GAN: variants seen among roughly 807,000 people sequenced by gnomAD.
GAN encodes the protein epididymis secretory sperm binding protein.
Under a neutral mutation model 71.3 loss-of-function variants are expected in GAN, and 48 were observed. The observed-to-expected ratio is 0.67, with a 90% confidence interval of 0.53 to 0.86. The LOEUF (loss-of-function observed/expected upper bound fraction) is 0.86, where lower values mean the gene tolerates loss of function less well. GAN is among the 40% of genes least tolerant of loss of function. The probability of loss-of-function intolerance (pLI) is 0.00; values close to 1 mark genes in which losing one functional copy is unlikely to be tolerated. For synonymous variants in GAN, 386 were observed against 276.8 expected, an observed-to-expected ratio of 1.39 and a Z score of -3.92; for missense variants, 928 against 770.1, an observed-to-expected ratio of 1.21 and a Z score of -2.43.
In GAN at chr16:81,354,813, T is replaced by C. The variant is rs558177817; in HGVS notation, c.633+58T>C. On this transcript the variant is annotated intron_variant, in intron 3 of 10. Coordinates refer to ENST00000648994, the MANE Select transcript of GAN (RefSeq NM_022041.4). ...CTTTTTATTTCTTTTTAATTCAAAT[T>C]TTAGTTGTTTTATTTTTCTTCTTCA... 5.1e-6 allele frequency: 5 copies of C among 973,488 alleles called. No individual in the cohort carries two copies. The African/African-American group carries it at 8.2e-5, about 16-fold the overall frequency. 60.3% of individuals were successfully genotyped at this position (973,488 alleles called of 1,614,324 possible). A position where few individuals can be genotyped will look rare whatever the true frequency, so the allele number is the denominator to read the frequency against.
chr16:81,326,294 G>A (rs527296548), intron 1 of GAN, among the ~76,000 whole-genome samples: 1 of 151,798 alleles, frequency 6.6e-6, no homozygotes, highest in East Asian at 1.9e-4. Context: ...GAAGCGGGCA[G>A]ATCACCTGAG....
Position 81,354,714 on chromosome 16 carries a change from G to A in GAN, c.592G>A (p.Ala198Thr). The A allele has an allele frequency of 1.2e-6, 2 of 1,610,386 alleles. No individual in the cohort carries two copies. Among genetic ancestry groups the A allele is most frequent in the Non-Finnish European group, 1.7e-6 (2 of 1,176,536 alleles). The change falls in exon 3 of 11, where the codon GCA (alanine) becomes ACA (threonine). Residue 198 changes from alanine (A) to threonine (T), a missense_variant. Coordinates refer to ENST00000648994, the MANE Select transcript of GAN (RefSeq NM_022041.4). ...TGGCAATGAAAGATATGTCTTTGAA[G>A]CAGTAATTCGATGGATAGCACATGA... ...NVGNERYVFE[A>T]VIRWIAHDTE... is the part of the protein sequence containing the mutation.
Position 81,377,525 on chromosome 16 carries a change from A to G in GAN, c.1723A>G (p.Ile575Val), listed in dbSNP as rs780683261. The change falls in exon 11 of 11, where the codon ATT becomes GTT. Residue 575 changes from isoleucine to valine, a missense_variant. Transcript: ENST00000648994. ...CCGTACAGGATGTGCAGCCTTACGC[A>G]TTGCGAATTGCAAGCTTTTCCGCCT... ...LRRTGCAALR[I>V]ANCKLFRLQL... The G allele has an allele frequency of 4.3e-6, 7 of 1,614,178 alleles. No homozygotes were observed. The highest frequency in any genetic ancestry group is 1.1e-5 in the South Asian group (1 of 91,086).
chr16:81,328,500 T>C (rs181106152), intron 1 of GAN, among the ~76,000 whole-genome samples: 18 of 152,352 alleles, frequency 1.2e-4, no homozygotes, highest in Non-Finnish European at 1.6e-4. Context: ...TGGGTTCTTT[T>C]TGTATTTTTT....
intron 1 of GAN, among the ~76,000 whole-genome samples, chr16:81,324,807 T>C (rs904728393): frequency 6.6e-6 from 1 of 152,190 alleles, no homozygotes; most frequent in African/African-American, 2.4e-5. Flanking sequence ...TTTGTTTGTG[T>C]ATTGTTTTAA....
intron 6 of GAN, 44 bp from the exon 7 acceptor site, chr16:81,363,750 G>A: frequency 6.3e-7 from 1 of 1,594,074 alleles, no homozygotes; most frequent in Non-Finnish European, 8.6e-7. Flanking sequence ...CTTTCAATAT[G>A]ATCATTGGCC....
At chr16:81,364,644 G>A (rs1358048666) in intron 7 of GAN, among the ~76,000 whole-genome samples, 1 of 152,052 alleles carries the variant, frequency 6.6e-6, no homozygotes, top group Admixed American at 6.6e-5. Context: ...AACTATGATG[G>A]CACCACTGCA....
At chr16:81,331,687 G>A (rs567684362) in intron 1 of GAN, among the ~76,000 whole-genome samples, 219 of 152,254 alleles carry the variant, frequency 1.4e-3, no homozygotes, top group African/African-American at 4.9e-3. Flanking sequence ...CCGCTCTCTA[G>A]CTTTGCCAAA....
At chr16:81,348,034 A>T (rs1910178132) in intron 1 of GAN, among the ~76,000 whole-genome samples, 2 of 152,018 alleles carry the variant, frequency 1.3e-5, no homozygotes, top group South Asian at 4.1e-4. Context: ...TTTAAAAAAA[A>T]TAGAGGTGGG....
At chr16:81,372,655 T>C (rs1911073520) in intron 9 of GAN, among the ~76,000 whole-genome samples, 1 of 152,220 alleles carries the variant, frequency 6.6e-6, no homozygotes, top group African/African-American at 2.4e-5. Flanking sequence ...AGATCATCTA[T>C]GTAGTCCAGT....
At chr16:81,322,904 C>G (rs763512665) in intron 1 of GAN, among the ~76,000 whole-genome samples, 3 of 152,196 alleles carry the variant, frequency 2.0e-5, no homozygotes, top group African/African-American at 4.8e-5. Flanking sequence ...TGAGTCTTTT[C>G]TAACCCACAG....
At chr16:81,325,559 T>C (rs1199107549) in intron 1 of GAN, among the ~76,000 whole-genome samples, 1 of 152,182 alleles carries the variant, frequency 6.6e-6, no homozygotes, top group African/African-American at 2.4e-5. Context: ...AGCCCTACTT[T>C]AAGAAGGCAT....
rs1464376673 is a variant in GAN at position 81,365,047 on chromosome 16, C to G, written c.1310C>G (p.Ser437Cys). Residue 437 changes from serine (S) to cysteine (C), a missense_variant, in exon 8 of 11, where the codon TCT (serine) becomes TGT (cysteine). Ser to Cys is a moderately radical substitution (Grantham distance 112, BLOSUM62 -1). Transcript: ENST00000648994. ...GGCTCCTACGGAAAGCTTTTTGAGT[C>G]TGTAGAGTGTTATGATCCCAGGACC... is the stretch of plus-strand genomic sequence containing the variant. ...GGGSYGKLFE[S>C]VECYDPRTQQ... 6.2e-7 allele frequency: 1 copy of G among 1,613,486 alleles called. No individual in the cohort carries two copies. Among genetic ancestry groups the G allele is most frequent in the African/African-American group, 1.3e-5 (1 of 75,026 alleles).
chr16:81,365,733 A>G (rs1039246880), intron 9 of GAN, among the ~76,000 whole-genome samples: 4 of 151,762 alleles, frequency 2.6e-5, no homozygotes, highest in South Asian at 2.1e-4. Context: ...TTGGCTCCCT[A>G]TAGCTTTTAG....
intron 1 of GAN, among the ~76,000 whole-genome samples, chr16:81,317,669 C>G (rs1323740444): frequency 4.6e-5 from 7 of 152,202 alleles, no homozygotes; most frequent in African/African-American, 7.2e-5. Context: ...GGATTAGACT[C>G]CAAATTAATT....
At chr16:81,354,213 T>C (rs1327120470) in intron 2 of GAN, among the ~76,000 whole-genome samples, 192 bp from the exon 3 acceptor site, 2 of 150,712 alleles carry the variant, frequency 1.3e-5, no homozygotes, top group Non-Finnish European at 2.9e-5. Context: ...AGCACACATT[T>C]GCTTATGTTG....
chr16:81,328,953 C>T (rs1296093234), intron 1 of GAN, among the ~76,000 whole-genome samples: 1 of 152,142 alleles, frequency 6.6e-6, no homozygotes, highest in Non-Finnish European at 1.5e-5. Context: ...GCTAAACAGG[C>T]AGCAGGTTGT....
Position 81,382,781 on chromosome 16 carries a change from A to C in GAN, c.*5185A>C, listed in dbSNP as rs1904312036. On this transcript the variant is annotated 3_prime_UTR_variant, in exon 11 of 11. Transcript: ENST00000648994. The stretch of plus-strand genomic sequence containing the variant: ...CTAGGCATTTTCTATATTTTTTGCA[A>C]GTTAGCTGGTAAAACTTGGTAAAGT... 1 of 152,074 alleles carries C rather than the reference A, an allele frequency of 6.6e-6. No homozygotes were observed. Among genetic ancestry groups the C allele is most frequent in the South Asian group, 2.1e-4 (1 of 4,818 alleles). 9.4% of individuals were successfully genotyped at this position (152,074 alleles called of 1,614,324 possible).
At chr16:81,356,712 A>C (rs746646788) in intron 3 of GAN, 73 bp from the exon 4 acceptor site, 17 of 1,071,036 alleles carry the variant, frequency 1.6e-5, no homozygotes, top group Non-Finnish European at 2.5e-5. Flanking sequence ...CATGAGGTGG[A>C]AAATGTAGAT....
Sources: allele counts gnomAD v4.1 joint callset (sites outside exome capture counted in the v4.1 genomes callset), GRCh38; gene constraint gnomAD v4.1.1; transcripts MANE v1.5; gene names NCBI Gene and HGNC (gene_info 2026-07-23, HGNC 2026-07-21).